SUSD4: variants seen among roughly 807,000 people sequenced by gnomAD.
SUSD4 encodes sushi domain-containing protein 4.
In SUSD4, 41 loss-of-function variants were observed where a neutral mutation model predicts 50.5. The ratio of observed to expected loss-of-function variants is 0.81; its 90% CI spans 0.63 to 1.05. The LOEUF is 1.05. Among genes scored for constraint, SUSD4 ranks in the 50% least tolerant of loss-of-function variants. The probability of loss-of-function intolerance (pLI) is 0.00; values close to 1 mark genes in which losing one functional copy is unlikely to be tolerated. For missense variants in SUSD4, 580 were observed against 634.7 expected, an observed-to-expected ratio of 0.91 and a Z score of 0.93; for synonymous variants, 257 against 257.3, an observed-to-expected ratio of 1.00 and a Z score of 0.01.
At chr1:223,247,977 T>C (rs749944729) in intron 5 of SUSD4, among the ~76,000 whole-genome samples, 1 of 152,222 alleles carries the variant, frequency 6.6e-6, no homozygotes, top group South Asian at 2.1e-4. Flanking sequence ...TCTTGCTATA[T>C]GAATTGCAGT....
At chr1:223,241,326 C>A (rs899940057) in intron 5 of SUSD4, among the ~76,000 whole-genome samples, 2 of 152,148 alleles carry the variant, frequency 1.3e-5, no homozygotes, top group Non-Finnish European at 2.9e-5. Flanking sequence ...GTATGGAGGC[C>A]CCCCATGACT....
chr1:223,229,049 C>G lies in SUSD4; in HGVS notation c.916+148G>C. ...CTGGCACAGAGCCCAACAGCAGCCC[C>G]ATCGACCCGCAATGATATGTTTCGA... On this transcript the variant is annotated intron_variant, in intron 6 of 8. Transcript: ENST00000366878. The surrounding 1 kb of genome is among the most constrained non-coding windows in gnomAD (Gnocchi z 4.7). 3.8e-6 allele frequency: 3 copies of G among 791,110 alleles called. No homozygotes were observed. The East Asian group carries it at 7.7e-5, about 20-fold the overall frequency. The allele number at this position is 791,110 out of a possible 1,614,324, so 49.0% of individuals were successfully genotyped here. A position where few individuals can be genotyped will look rare whatever the true frequency, so the allele number is the denominator to read the frequency against.
intron 5 of SUSD4, among the ~76,000 whole-genome samples, chr1:223,250,614 A>G (rs1661237694): frequency 1.3e-5 from 2 of 152,216 alleles, no homozygotes; most frequent in African/African-American, 4.8e-5. Context: ...GAAAGGGAGC[A>G]TAGTGCCTCC....
Position 223,363,300 on chromosome 1 carries a change from G to T in SUSD4, c.126C>A (p.Phe42Leu). 6.2e-7 allele frequency: 1 copy of T among 1,608,500 alleles called. No homozygotes were observed. The highest frequency in any genetic ancestry group is 8.5e-7 in the Non-Finnish European group (1 of 1,177,670). Residue 42 changes from phenylalanine (F) to leucine (L), a missense_variant, in exon 2 of 9, where the codon TTC becomes TTA. Coordinates refer to ENST00000366878, the MANE Select transcript of SUSD4 (RefSeq NM_017982.4). ...VILWFQLALCFGPAQLTGGFD... is the reference protein window; with the variant it reads ...VILWFQLALCLGPAQLTGGFD... ...CACCGCCCGTGAGCTGTGCAGGGCC[G>T]AAGCACAGCGCCAGCTGAAACCACA...
intron 2 of SUSD4, among the ~76,000 whole-genome samples, chr1:223,337,234 C>T (rs1667505985): frequency 6.6e-6 from 1 of 152,160 alleles, no homozygotes; most frequent in South Asian, 2.1e-4. Context: ...TGAATGCCAC[C>T]TTGCAGAGCT....
intron 2 of SUSD4, among the ~76,000 whole-genome samples, chr1:223,357,829 C>T (rs1020239109): frequency 1.3e-5 from 2 of 152,304 alleles, no homozygotes; most frequent in African/African-American, 4.8e-5. Flanking sequence ...ATCCATCAGT[C>T]CTAGATACTG....
chr1:223,357,538 A>G (rs1668732282), intron 2 of SUSD4, among the ~76,000 whole-genome samples: 1 of 152,168 alleles, frequency 6.6e-6, no homozygotes, highest in African/African-American at 2.4e-5. Flanking sequence ...TTCTTCTTCT[A>G]TATAATAAGG....
chr1:223,292,611 G>A lies in SUSD4; in HGVS notation c.189C>T (p.Pro63=), dbSNP rs577114146. 2.4e-5 allele frequency: 38 copies of A among 1,614,090 alleles called. No homozygotes were observed. Among genetic ancestry groups the A allele is most frequent in the Middle Eastern group, 1.6e-4 (1 of 6,062 alleles). ...CGCTGGGGGTCCTGAAGCCATTCTC[G>A]GGAATGCCGGGGTCAGCACACACTT... ...DLQVCADPGI[P]ENGFRTPSGG... Residue 63 remains proline (P), a synonymous_variant, in exon 3 of 9, where the codon CCC becomes CCT. Transcript: ENST00000366878.
At chr1:223,291,773 T>C (rs1283174256) in intron 3 of SUSD4, among the ~76,000 whole-genome samples, 1 of 152,200 alleles carries the variant, frequency 6.6e-6, no homozygotes, top group Non-Finnish European at 1.5e-5. Flanking sequence ...AATTTGACAT[T>C]CTAATTGGTT....
intron 2 of SUSD4, among the ~76,000 whole-genome samples, chr1:223,304,336 T>A (rs1665383714): frequency 6.6e-6 from 1 of 152,200 alleles, no homozygotes; most frequent in South Asian, 2.1e-4. Context: ...CAATCCTGCA[T>A]GCAATTTTGT....
At chr1:223,247,314 T>C (rs891201331) in intron 5 of SUSD4, among the ~76,000 whole-genome samples, 1 of 152,204 alleles carries the variant, frequency 6.6e-6, no homozygotes, top group Non-Finnish European at 1.5e-5. Flanking sequence ...GCTTGATCCA[T>C]GAAGCCTTCC....
chr1:223,288,429 AGT>A (rs1664283627), intron 3 of SUSD4, among the ~76,000 whole-genome samples: 1 of 152,196 alleles, frequency 6.6e-6, no homozygotes, highest in South Asian at 2.1e-4. Flanking sequence ...TATTTATAGC[AGT>A]GTGAAATGGA....
rs542429683 is a variant in SUSD4 at position 223,320,724 on chromosome 1, T to C, written c.149-28073A>G. On this transcript the variant is annotated intron_variant, in intron 2 of 8. Coordinates refer to ENST00000366878, the MANE Select transcript of SUSD4 (RefSeq NM_017982.4). ...CTTTAGTCTGAGAGTCTCAGAGCACTACTGTTACAAAAGTATGTTTTCTTG... is the reference window on the plus strand; with the variant it reads ...CTTTAGTCTGAGAGTCTCAGAGCACCACTGTTACAAAAGTATGTTTTCTTG... Among the ~76,000 whole-genome samples, 4 of 152,304 alleles carry C rather than the reference T, an allele frequency of 2.6e-5. No homozygotes were observed. The South Asian group carries it at 8.3e-4, about 32-fold the overall frequency.
intron 2 of SUSD4, among the ~76,000 whole-genome samples, chr1:223,329,719 G>A (rs935162072): frequency 2.6e-5 from 4 of 152,182 alleles, no homozygotes; most frequent in Non-Finnish European, 4.4e-5. Context: ...ATGGATGAAC[G>A]ATAGCACTGG....
intron 2 of SUSD4, among the ~76,000 whole-genome samples, chr1:223,337,538 G>T (rs1357720857): frequency 6.8e-6 from 1 of 147,726 alleles, no homozygotes; most frequent in African/African-American, 2.7e-5. Context: ...GCAATTGGGT[G>T]TTAATAGCAG....
intron 2 of SUSD4, among the ~76,000 whole-genome samples, chr1:223,317,363 G>A (rs576444114): frequency 8.3e-4 from 127 of 152,312 alleles, no homozygotes; most frequent in African/African-American, 2.9e-3. Flanking sequence ...ATAAAATCAA[G>A]AAATAACCAT....
chr1:223,361,729 G>C (rs1668992273), intron 2 of SUSD4, among the ~76,000 whole-genome samples: 1 of 152,228 alleles, frequency 6.6e-6, no homozygotes, highest in South Asian at 2.1e-4. Flanking sequence ...CTACATAAGA[G>C]AAATGGACCA....
At chr1:223,252,588 C>A (rs1333638508) in intron 5 of SUSD4, among the ~76,000 whole-genome samples, 1 of 152,098 alleles carries the variant, frequency 6.6e-6, no homozygotes, top group Non-Finnish European at 1.5e-5. Flanking sequence ...CTTTTCTTCC[C>A]AATTCAAAAT....
intron 2 of SUSD4, among the ~76,000 whole-genome samples, chr1:223,306,603 C>T (rs1665549022): frequency 6.6e-6 from 1 of 152,192 alleles, no homozygotes; most frequent in African/African-American, 2.4e-5. Context: ...GCGATCCTCA[C>T]ACCTCATCCT....
Sources: gnomAD v4.1 joint callset for allele counts (sites outside exome capture counted in the v4.1 genomes callset) on GRCh38, gnomAD v4.1.1 for gene constraint, Gnocchi (gnomAD v3.1) non-coding constraint, MANE v1.5 for transcripts, NCBI Gene and HGNC (gene_info 2026-07-23, HGNC 2026-07-21) for gene names.